Variants in MAGI3 observed in about 807,000 individuals in gnomAD.
MAGI3 encodes membrane associated guanylate kinase, WW and PDZ domain containing 3, also known as membrane-associated guanylate kinase, WW and PDZ domain-containing protein 3.
MAGI3 carries 43 observed loss-of-function variants against 121.8 expected under a neutral mutation model. The observed-to-expected ratio is 0.35, with a 90% confidence interval of 0.28 to 0.46. The LOEUF is 0.46. Ranked by LOEUF, MAGI3 falls within the 20% of genes least tolerant of loss-of-function variation. The pLI is 1.00. For missense variants in MAGI3, 1,547 were observed against 1,797.3 expected (o/e 0.86, Z 2.52); for synonymous variants, 553 against 639.3 (o/e 0.86, Z 2.04).
chr1:113,656,639 A>G (rs1653489978), intron 15 of MAGI3, among the ~76,000 whole-genome samples: 1 of 151,272 alleles, frequency 6.6e-6, no homozygotes, highest in East Asian at 1.9e-4. Context: ...CTGGTCTCAA[A>G]CTCCCAACCT....
chr1:113,665,305 A>G (rs1175056504), intron 16 of MAGI3, among the ~76,000 whole-genome samples: 3 of 152,106 alleles, frequency 2.0e-5, no homozygotes, highest in Non-Finnish European at 2.9e-5. Context: ...CCCTTTAAAC[A>G]TGAGTCTCCA....
At chr1:113,624,475 T>C (rs1407288750) in intron 9 of MAGI3, among the ~76,000 whole-genome samples, 4 of 152,234 alleles carry the variant, frequency 2.6e-5, no homozygotes, top group African/African-American at 9.6e-5. Flanking sequence ...TGAGCACTTA[T>C]TCATATTGCT....
chr1:113,623,648 T>C (rs1651022343), intron 9 of MAGI3, among the ~76,000 whole-genome samples: 1 of 151,800 alleles, frequency 6.6e-6, no homozygotes, highest in Non-Finnish European at 1.5e-5. Context: ...CCACCACGCC[T>C]GGCTAATTTT....
At chr1:113,666,566 T>C (rs572725879) in intron 16 of MAGI3, among the ~76,000 whole-genome samples, 1 of 152,350 alleles carries the variant, frequency 6.6e-6, no homozygotes, top group Non-Finnish European at 1.5e-5. Flanking sequence ...CTACCACATC[T>C]GCAGTTACTT....
chr1:113,543,155 G>A (rs1338689811), intron 1 of MAGI3, among the ~76,000 whole-genome samples: 1 of 152,082 alleles, frequency 6.6e-6, no homozygotes, highest in East Asian at 1.9e-4. Flanking sequence ...AGAAAGAAGT[G>A]TTTTTGGCTT....
In MAGI3 at chr1:113,416,103, G is replaced by T. The variant is rs374127306; in HGVS notation, c.316+24754G>T. ...GACACATATTAATTATGTAATTAATGACACATATTAATTATGTAATTAATG... is the reference window on the plus strand; with the variant it reads ...GACACATATTAATTATGTAATTAATTACACATATTAATTATGTAATTAATG... On this transcript the variant is annotated intron_variant, in intron 1 of 20. Coordinates refer to ENST00000307546, the MANE Select transcript of MAGI3 (RefSeq NM_001142782.2). Among the ~76,000 whole-genome samples, 279 of 103,660 alleles carry T rather than the reference G, an allele frequency of 2.7e-3. 2 individuals carry two copies. The highest frequency in any genetic ancestry group is 8.9e-3 in the African/African-American group (266 of 30,004). 68.0% of individuals were successfully genotyped at this position (103,660 alleles called of 152,430 possible). A position where few individuals can be genotyped will look rare whatever the true frequency, so the allele number is the denominator to read the frequency against.
At chr1:113,409,750 C>T (rs964126589) in intron 1 of MAGI3, among the ~76,000 whole-genome samples, 3 of 152,094 alleles carry the variant, frequency 2.0e-5, no homozygotes, top group Admixed American at 2.0e-4. Context: ...CTTATTGGCA[C>T]ACACTATCAC....
chr1:113,632,751 A>C (rs537222244), intron 9 of MAGI3, among the ~76,000 whole-genome samples: 135 of 152,314 alleles, frequency 8.9e-4, no homozygotes, highest in Middle Eastern at 3.4e-3. Flanking sequence ...TATACATCAA[A>C]TTCAAAATTG....
chr1:113,635,869 G>A (rs1431376881), intron 9 of MAGI3, among the ~76,000 whole-genome samples: 1 of 151,748 alleles, frequency 6.6e-6, no homozygotes, highest in African/African-American at 2.4e-5. Flanking sequence ...ACTCTTTTTG[G>A]TTGGTAAGCT....
intron 1 of MAGI3, among the ~76,000 whole-genome samples, chr1:113,548,184 T>G (rs939307282): frequency 6.6e-6 from 1 of 152,256 alleles, no homozygotes; most frequent in African/African-American, 2.4e-5. Context: ...AAGAGTATAC[T>G]TTAATCAACT....
At chr1:113,661,783 C>T (rs1653796382) in intron 16 of MAGI3, among the ~76,000 whole-genome samples, 1 of 152,154 alleles carries the variant, frequency 6.6e-6, no homozygotes, top group African/African-American at 2.4e-5. Context: ...AAGTATATTT[C>T]ATATGCAGCC....
chr1:113,629,732 C>CTT (rs1430806107), intron 9 of MAGI3, among the ~76,000 whole-genome samples: 1 of 50,854 alleles, frequency 2.0e-5, no homozygotes, highest in Non-Finnish European at 3.9e-5. Context: ...CAGTCTCCCT[C>CTT]TCTCTCTCTC....
chr1:113,554,734 T>G (rs1298296394), intron 2 of MAGI3, among the ~76,000 whole-genome samples: 1 of 151,758 alleles, frequency 6.6e-6, no homozygotes, highest in Non-Finnish European at 1.5e-5. Flanking sequence ...AAATAATAAG[T>G]GCACAGATCT....
intron 16 of MAGI3, among the ~76,000 whole-genome samples, chr1:113,667,540 T>C (rs1048870776): frequency 4.6e-5 from 7 of 152,262 alleles, no homozygotes; most frequent in Admixed American, 1.3e-4. Flanking sequence ...GGTTTGATCT[T>C]CTATCCAGAC....
intron 19 of MAGI3, among the ~76,000 whole-genome samples, chr1:113,678,573 T>A (rs1398749279): frequency 6.6e-6 from 1 of 152,228 alleles, no homozygotes; most frequent in Non-Finnish European, 1.5e-5. Context: ...TATTTCATAG[T>A]TGACTTGAAT....
intron 19 of MAGI3, among the ~76,000 whole-genome samples, chr1:113,673,712 G>A (rs1382504401): frequency 6.6e-6 from 1 of 152,122 alleles, no homozygotes; most frequent in East Asian, 1.9e-4. Flanking sequence ...CTTGACCTTG[G>A]TCAATAAGAA....
At chr1:113,620,214 T>G (rs1024533202) in intron 8 of MAGI3, among the ~76,000 whole-genome samples, 2 of 152,194 alleles carry the variant, frequency 1.3e-5, no homozygotes, top group African/African-American at 4.8e-5. Context: ...GATTCTTCAT[T>G]AACCAATATT....
Position 113,653,951 on chromosome 1 carries a change from G to A in MAGI3, c.2562G>A (p.Leu854=). ...CCCAGGAGCCCTATGATGTTGTCTT[G>A]CAACGAAAAGAAAATGAAGGATTTG... ...PAPQEPYDVV[L]QRKENEGFGF... is the part of the protein sequence containing the mutation. Residue 854 remains leucine (L), a synonymous_variant, in exon 15 of 21, where the codon TTG becomes TTA. Coordinates refer to ENST00000307546, the MANE Select transcript of MAGI3 (RefSeq NM_001142782.2). 6.2e-7 allele frequency: 1 copy of A among 1,613,882 alleles called. No individual in the cohort carries two copies. The highest frequency in any genetic ancestry group is 8.5e-7 in the Non-Finnish European group (1 of 1,179,912).
intron 1 of MAGI3, among the ~76,000 whole-genome samples, chr1:113,455,539 C>T (rs77496504): frequency 0.023 from 3,527 of 152,196 alleles, 132 homozygotes; most frequent in African/African-American, 0.08. Context: ...CTCCTGCACT[C>T]TGGCCATATT....
Sources: gnomAD v4.1 joint callset for allele counts (sites outside exome capture counted in the v4.1 genomes callset) on GRCh38, gnomAD v4.1.1 for gene constraint, MANE v1.5 for transcripts, NCBI Gene and HGNC (gene_info 2026-07-23, HGNC 2026-07-21) for gene names.